CALR3: variants seen among roughly 807,000 people sequenced by gnomAD.
The protein encoded by CALR3 is calreticulin-3.
CALR3 carries 39 observed loss-of-function variants against 48.7 expected under a neutral mutation model. That is an observed-to-expected ratio of 0.80 (90% CI 0.62 to 1.05). The LOEUF (loss-of-function observed/expected upper bound fraction) is 1.05. Among genes scored for constraint, CALR3 ranks in the 50% least tolerant of loss-of-function variants. The pLI is 0.00. For missense variants in CALR3, 449 were observed against 474.7 expected, an observed-to-expected ratio of 0.95 and a Z score of 0.50; for synonymous variants, 185 against 172.7, an observed-to-expected ratio of 1.07 and a Z score of -0.56.
rs780394746 is a variant in CALR3 at position 16,490,540 on chromosome 19, T to C, written c.224A>G (p.Tyr75Cys). The change falls in exon 3 of 9, where the codon TAT becomes TGT. Residue 75 changes from tyrosine (Y) to cysteine (C), a missense_variant. Coordinates refer to ENST00000269881, the MANE Select transcript of CALR3 (RefSeq NM_145046.5). ...CGGTTTGAAGCGTGCAGAGATGGCA[T>C]AGAATCGGCCATTCTGAGTGGTTTG... ...GLQTTQNGRF[Y>C]AISARFKPFS... is the part of the protein sequence containing the mutation. 13 of 1,614,166 alleles carry C rather than the reference T, an allele frequency of 8.1e-6. No individual in the cohort carries two copies. The highest frequency in any genetic ancestry group is 1.7e-5 in the Admixed American group (1 of 59,998).
At chr19:16,479,965 G>A (rs1244287779) in intron 8 of CALR3, among the ~76,000 whole-genome samples, 2 of 152,002 alleles carry the variant, frequency 1.3e-5, no homozygotes, top group Non-Finnish European at 2.9e-5. Flanking sequence ...AGCACTTTGG[G>A]AGGCCGAGGC....
chr19:16,490,466 C>T lies in CALR3; in HGVS notation c.298G>A (p.Glu100Lys), dbSNP rs766276146. 7 of 1,614,142 alleles carry T rather than the reference C, an allele frequency of 4.3e-6. No individual in the cohort carries two copies. The South Asian group carries it at 7.7e-5, about 18-fold the overall frequency. ...TLVIQYTVKH[E>K]QKMDCGGGYI... ...CCCCCTCCACAGTCCATCTTCTGCT[C>T]ATGTTTTACTGTGTACTGAATAACC... Residue 100 changes from glutamate to lysine, a missense_variant, in exon 3 of 9, where the codon GAG (glutamate) becomes AAG (lysine). Transcript: ENST00000269881.
At chr19:16,491,723 G>A (rs1187798112) in intron 2 of CALR3, among the ~76,000 whole-genome samples, 2 of 151,272 alleles carry the variant, frequency 1.3e-5, no homozygotes, top group Non-Finnish European at 2.9e-5. Flanking sequence ...GTTGCAGTGA[G>A]CCGAGATTGC....
chr19:16,495,796 T>C lies in CALR3; in HGVS notation c.148A>G (p.Arg50Gly), dbSNP rs908717606. Residue 50 changes from arginine to glycine, a missense_variant, in exon 2 of 9, where the codon AGA becomes GGA. Transcript: ENST00000269881. ...STNDSRFGHF[R>G]LSSGKFYGHK... Reference sequence around the variant, plus strand: ...CCATAAAACTTGCCCGACGAAAGTCTAAAATGCCCAAATCGGGAGTCATTG... The same window carrying C: ...CCATAAAACTTGCCCGACGAAAGTCCAAAATGCCCAAATCGGGAGTCATTG... 6.2e-7 allele frequency: 1 copy of C among 1,614,006 alleles called. No individual in the cohort carries two copies. The highest frequency in any genetic ancestry group is 1.3e-5 in the African/African-American group (1 of 74,902).
rs143913852 is a variant in CALR3 at position 16,480,623 on chromosome 19, G to T, written c.1002C>A (p.Gly334=). 2 of 1,609,290 alleles carry T rather than the reference G, an allele frequency of 1.2e-6. No homozygotes were observed. Among genetic ancestry groups the T allele is most frequent in the African/African-American group, 1.3e-5 (1 of 74,920 alleles). The part of the protein sequence containing the change: ...YADNFGKATW[G]ETKGPEREMD... Reference sequence around the variant, plus strand: ...ATCACGTGCTTCATACCTTGGTTTCGCCCCAGGTGGCCTTGCCAAAATTAT... The same window carrying T: ...ATCACGTGCTTCATACCTTGGTTTCTCCCCAGGTGGCCTTGCCAAAATTAT... Residue 334 remains glycine, a synonymous_variant, in exon 8 of 9, where the codon GGC becomes GGA. Transcript: ENST00000269881.
chr19:16,479,867 C>T (rs2093377742), intron 8 of CALR3, among the ~76,000 whole-genome samples: 2 of 152,106 alleles, frequency 1.3e-5, no homozygotes, highest in Admixed American at 6.6e-5. Context: ...TTCTAGAAGC[C>T]TCCTCACCAC....
intron 3 of CALR3, among the ~76,000 whole-genome samples, chr19:16,487,524 A>G (rs998517899): frequency 6.7e-6 from 1 of 148,906 alleles, no homozygotes; most frequent in Non-Finnish European, 1.5e-5. Context: ...GGGTCTTGCT[A>G]TATTGCCCAA....
chr19:16,494,370 C>CT (rs200808866), intron 2 of CALR3, among the ~76,000 whole-genome samples: 10 of 144,192 alleles, frequency 6.9e-5, no homozygotes, highest in East Asian at 4.2e-4. Flanking sequence ...CCATATTTTT[C>CT]TTTTTTTTTG....
At chr19:16,487,909 G>T (rs1311435857) in intron 3 of CALR3, among the ~76,000 whole-genome samples, 1 of 151,890 alleles carries the variant, frequency 6.6e-6, no homozygotes, top group African/African-American at 2.4e-5. Context: ...CGCCTCCCAG[G>T]TTCAGGCCAT....
At chr19:16,495,878 G>A (rs773273835) in intron 1 of CALR3, 26 bp from the exon 2 acceptor site, 2 of 1,603,148 alleles carry the variant, frequency 1.2e-6, no homozygotes, top group Non-Finnish European at 8.5e-7. Context: ...AATAACACCG[G>A]TTAGAGGTGA....
intron 4 of CALR3, 56 bp downstream of exon 4, chr19:16,485,107 C>A (rs543463133): frequency 8.3e-7 from 1 of 1,198,996 alleles, no homozygotes; most frequent in African/African-American, 1.5e-5. Flanking sequence ...ACTATTTTTT[C>A]TAAACTTAGT....
Position 16,485,376 on chromosome 19 carries a change from G to A in CALR3, c.398-119C>T, listed in dbSNP as rs528290267. The stretch of plus-strand genomic sequence containing the variant: ...GAGTCTTGCTGTCACCCAGGCTGGA[G>A]TGCAGTGATCTTGGCTCACGGAAAC... On this transcript the variant is annotated intron_variant, in intron 3 of 8. Coordinates refer to ENST00000269881, the MANE Select transcript of CALR3 (RefSeq NM_145046.5). 2.3e-5 allele frequency: 16 copies of A among 696,338 alleles called. No individual in the cohort carries two copies. In the African/African-American group the frequency reaches 2.7e-4, roughly 12 times the overall value. 43.1% of individuals were successfully genotyped at this position (696,338 alleles called of 1,614,324 possible).
At chr19:16,488,436 G>C (rs551264848) in intron 3 of CALR3, among the ~76,000 whole-genome samples, 1 of 151,772 alleles carries the variant, frequency 6.6e-6, no homozygotes, top group African/African-American at 2.4e-5. Context: ...ATGGAGTCTC[G>C]TTCTGTTACC....
chr19:16,480,586 T>C (rs1437567796), intron 8 of CALR3, 28 bp downstream of exon 8: 1 of 1,480,034 alleles, frequency 6.8e-7, no homozygotes. Context: ...AATAGTGATG[T>C]AGGAAGAGTT....
At position 16,482,762 on chromosome 19, in the gene CALR3, G is replaced by A. The variant is rs10403020; in HGVS notation, c.702C>T (p.Asp234=). 261,918 of 1,612,952 alleles carry A rather than the reference G, an allele frequency of 0.16. 22,171 individuals carry two copies. Among genetic ancestry groups the A allele is most frequent in the African/African-American group, 0.18 (13,218 of 74,974 alleles). Residue 234 remains aspartate, a synonymous_variant, in exon 6 of 9, where the codon GAC becomes GAT. Coordinates refer to ENST00000269881, the MANE Select transcript of CALR3 (RefSeq NM_145046.5). The part of the protein sequence containing the change: ...KAQDWEKHFL[D]ASTSKQSDWN... ...AGTCGCTCTGCTTGCTGGTGCTGGC[G>A]TCCAGAAAATGCTTCTCCCAGTCCT...
At position 16,485,236 on chromosome 19, in the gene CALR3, T is replaced by C; in HGVS notation, c.419A>G (p.Asp140Gly). The part of the protein sequence containing the change: ...IMFGPDICGF[D>G]IKKVHVILHF... ...TAAAATAACATGAACTTTCTTGATA[T>C]CAAATCCACAAATATCGGGTCCTAC... Residue 140 changes from aspartate to glycine, a missense_variant, in exon 4 of 9, where the codon GAT becomes GGT. By Grantham distance (94) the Asp-to-Gly change is moderately conservative. Coordinates refer to ENST00000269881, the MANE Select transcript of CALR3 (RefSeq NM_145046.5). 2 of 1,607,990 alleles carry C rather than the reference T, an allele frequency of 1.2e-6. No homozygotes were observed. The highest frequency in any genetic ancestry group is 1.7e-6 in the Non-Finnish European group (2 of 1,174,680).
In CALR3 at chr19:16,482,539, G is replaced by C; in HGVS notation, c.829C>G (p.His277Asp). The C allele has an allele frequency of 1.9e-6, 3 of 1,614,208 alleles. No individual in the cohort carries two copies. The highest frequency in any genetic ancestry group is 2.5e-6 in the Non-Finnish European group (3 of 1,180,028). Reference sequence around the variant, plus strand: ...TAGTCGGTATTCTTCATCTTACGGTGGAGCCAGACGTCTTTATGAATACCT... The same window carrying C: ...TAGTCGGTATTCTTCATCTTACGGTCGAGCCAGACGTCTTTATGAATACCT... ...PEGIHKDVWL[H>D]RKMKNTDYLT... The change falls in exon 7 of 9, where the codon CAC (histidine) becomes GAC (aspartate). Residue 277 changes from histidine to aspartate, a missense_variant. Physicochemically the swap from His to Asp is moderately conservative, Grantham distance 81. Transcript: ENST00000269881.
Position 16,490,515 on chromosome 19 carries a change from C to A in CALR3, c.249G>T (p.Pro83=). The A allele has an allele frequency of 6.2e-7, 1 of 1,614,024 alleles. No homozygotes were observed. The highest frequency in any genetic ancestry group is 8.5e-7 in the Non-Finnish European group (1 of 1,180,016). ...RFYAISARFK[P]FSNKGKTLVI... ...CCAGAGTTTTCCCTTTATTGCTGAA[C>A]GGTTTGAAGCGTGCAGAGATGGCAT... Residue 83 remains proline (P), a synonymous_variant, in exon 3 of 9, where the codon CCG becomes CCT. Transcript: ENST00000269881.
At chr19:16,490,617 A>G in intron 2 of CALR3, 47 bp from the exon 3 acceptor site, 3 of 1,527,752 alleles carry the variant, frequency 2.0e-6, no homozygotes, top group Non-Finnish European at 1.8e-6. Flanking sequence ...ACGCTGCGCT[A>G]AGTAACGCAG....
Sources: gnomAD v4.1 joint callset for allele counts (sites outside exome capture counted in the v4.1 genomes callset) on GRCh38, gnomAD v4.1.1 for gene constraint, MANE v1.5 for transcripts, NCBI Gene and HGNC (gene_info 2026-07-23, HGNC 2026-07-21) for gene names.